SRFBP1: variants seen among roughly 807,000 people sequenced by gnomAD.
SRFBP1 encodes the protein serum response factor binding protein 1, also known as serum response factor-binding protein 1.
Under a neutral mutation model 45.5 loss-of-function variants are expected in SRFBP1, and 47 were observed. That is an observed-to-expected ratio of 1.03 (90% CI 0.82 to 1.32). The LOEUF is 1.32. Ranked by LOEUF, SRFBP1 falls within the 40% of genes most tolerant of loss-of-function variation. The pLI is 0.00. For synonymous variants in SRFBP1, 203 were observed against 166.3 expected (o/e 1.22, Z -1.70); for missense variants, 621 against 484.6 (o/e 1.28, Z -2.64).
chr5:121,990,517 G>C (rs2112670311), intron 3 of SRFBP1, among the ~76,000 whole-genome samples: 1 of 152,146 alleles, frequency 6.6e-6, no homozygotes, highest in African/African-American at 2.4e-5. Context: ...CCAAACCTCA[G>C]CATCACACAA....
intron 2 of SRFBP1, chr5:122,070,728 C>T (rs961439093): frequency 1.3e-5 from 7 of 533,716 alleles, no homozygotes; most frequent in Non-Finnish European, 2.3e-5. Flanking sequence ...ATTTCATCTC[C>T]CTTGAGAAGT....
At chr5:121,976,850 G>A (rs1752312260) in intron 3 of SRFBP1, among the ~76,000 whole-genome samples, 1 of 149,984 alleles carries the variant, frequency 6.7e-6, no homozygotes, top group Non-Finnish European at 1.5e-5. Context: ...GAGTAAACTG[G>A]AATTTGTTAA....
intron 2 of SRFBP1, among the ~76,000 whole-genome samples, chr5:122,038,909 A>T (rs986744358): frequency 1.3e-5 from 2 of 152,152 alleles, no homozygotes; most frequent in Non-Finnish European, 2.9e-5. Flanking sequence ...CAAAAACTAT[A>T]AAAAACCCCA....
At position 122,046,015 on chromosome 5, in the gene SRFBP1, T is replaced by C. The variant is rs149892722; in HGVS notation, n.311+23608T>C. ...TTTGTCATAGATGGCTCTTATTATTTAAAAGTATGATCCTTCAATGCCTAG... is the reference window on the plus strand; with the variant it reads ...TTTGTCATAGATGGCTCTTATTATTCAAAAGTATGATCCTTCAATGCCTAG... On this transcript the variant is annotated intron_variant and non_coding_transcript_variant, in intron 2 of 2. Transcript: ENST00000504881. Among the ~76,000 whole-genome samples the C allele has an allele frequency of 9.9e-4, 151 of 152,244 alleles. 1 individual carries two copies. Among genetic ancestry groups the C allele is most frequent in the African/African-American group, 3.6e-3 (149 of 41,550 alleles).
intron 2 of SRFBP1, among the ~76,000 whole-genome samples, chr5:122,058,729 T>G (rs968314360): frequency 6.6e-6 from 1 of 152,138 alleles, no homozygotes; most frequent in Admixed American, 6.6e-5. Flanking sequence ...ATGTAGAAAT[T>G]TGGCCTCTCA....
At position 122,048,472 on chromosome 5, in the gene SRFBP1, T is replaced by G. The variant is rs577818286; in HGVS notation, n.311+26065T>G. Among the ~76,000 whole-genome samples, 9 of 152,348 alleles carry G rather than the reference T, an allele frequency of 5.9e-5. No individual in the cohort carries two copies. The South Asian group carries it at 1.7e-3, about 28-fold the overall frequency. Reference sequence around the variant, plus strand: ...CAATATTTTATTGAGGATTTTTGCATCAATGTTCATCAAGGATATTGGTCT... The same window carrying G: ...CAATATTTTATTGAGGATTTTTGCAGCAATGTTCATCAAGGATATTGGTCT... On this transcript the variant is annotated intron_variant and non_coding_transcript_variant, in intron 2 of 2. Transcript: ENST00000504881.
intron 7 of SRFBP1, among the ~76,000 whole-genome samples, chr5:122,026,737 A>AATT (rs1753488345): frequency 2.0e-5 from 3 of 152,322 alleles, no homozygotes; most frequent in South Asian, 4.1e-4. Flanking sequence ...AAGTGTTAGA[A>AATT]AGCATGTGTG....
rs146641650 is a variant in SRFBP1 at position 121,962,281 on chromosome 5, A to C, written c.36+213A>C. ...TGAGAGACATGTGTCAGGCCCCACG[A>C]ATTTATGTCTGTGGGACTTTGGGAA... is the stretch of plus-strand genomic sequence containing the variant. On this transcript the variant is annotated intron_variant, in intron 1 of 7. Transcript: ENST00000339397. Among the ~76,000 whole-genome samples, 60 of 152,280 alleles carry C rather than the reference A, an allele frequency of 3.9e-4. No individual in the cohort carries two copies. In the East Asian group the frequency reaches 8.7e-3, roughly 22 times the overall value.
intron 2 of SRFBP1, among the ~76,000 whole-genome samples, chr5:122,036,543 A>T (rs1014663194): frequency 6.6e-6 from 1 of 152,128 alleles, no homozygotes; most frequent in Admixed American, 6.6e-5. Flanking sequence ...TATGTTAACA[A>T]TGTGATTTAT....
chr5:121,968,737 G>A (rs1310737793), intron 1 of SRFBP1, among the ~76,000 whole-genome samples: 1 of 152,104 alleles, frequency 6.6e-6, no homozygotes, highest in Non-Finnish European at 1.5e-5. Context: ...GAGTAAATCA[G>A]TTTGCATTTC....
chr5:122,037,023 C>T (rs147450331), intron 2 of SRFBP1, among the ~76,000 whole-genome samples: 1,615 of 151,938 alleles, frequency 0.011, 29 homozygotes, highest in African/African-American at 0.036. Flanking sequence ...CTCAAGCTCC[C>T]GAGTAGCTGG....
chr5:122,022,457 AC>A, intron 7 of SRFBP1, 50 bp downstream of exon 7: 2 of 1,519,114 alleles, frequency 1.3e-6, no homozygotes, highest in Non-Finnish European at 1.8e-6. Context: ...GCTATGTTTT[AC>A]CAGAGTAAAA....
chr5:122,064,257 A>T (rs1473955313), intron 2 of SRFBP1: 2 of 151,994 alleles, frequency 1.3e-5, no homozygotes, highest in Non-Finnish European at 2.9e-5. Context: ...ACCTTCATCA[A>T]CTAATTATTA....
chr5:122,062,861 T>G (rs1454575343), intron 2 of SRFBP1, among the ~76,000 whole-genome samples: 1 of 151,950 alleles, frequency 6.6e-6, no homozygotes, highest in Non-Finnish European at 1.5e-5. Context: ...TAGCTAGAAT[T>G]AGATGTGTGT....
intron 7 of SRFBP1, among the ~76,000 whole-genome samples, chr5:122,024,947 T>C (rs1211232849): frequency 6.6e-6 from 1 of 152,158 alleles, no homozygotes; most frequent in Non-Finnish European, 1.5e-5. Context: ...TGTTTTGTTT[T>C]GTTTTGTTTT....
chr5:121,966,946 ATTTTTTTTTT>A (rs34687337), intron 1 of SRFBP1, among the ~76,000 whole-genome samples: 1 of 114,684 alleles, frequency 8.7e-6, no homozygotes, highest in African/African-American at 3.3e-5. Context: ...CGCCCAGCTA[ATTTTTTTTTT>A]TTTTTTTTTT....
rs745637882 is a variant in SRFBP1, at chr5:122,066,499, G to T, written n.312-8816G>T. 80 of 416,828 alleles carry T rather than the reference G, an allele frequency of 1.9e-4. No homozygotes were observed. In the Admixed American group the frequency reaches 2.1e-3, roughly 11 times the overall value. The allele number at this position is 416,828 out of a possible 1,614,324, so 25.8% of individuals were successfully genotyped here. On this transcript the variant is annotated intron_variant and non_coding_transcript_variant, in intron 2 of 2. Coordinates refer to the SRFBP1 transcript ENST00000504881. ...GAGTCAAATATGTAATTACAGAATT[G>T]AAACACTGTGTTAATTCACAAAGTG...
intron 4 of SRFBP1, among the ~76,000 whole-genome samples, chr5:122,010,825 G>C (rs1753077462): frequency 6.6e-6 from 1 of 152,066 alleles, no homozygotes; most frequent in African/African-American, 2.4e-5. Flanking sequence ...GAATATTGGA[G>C]AGTATTTTTC....
chr5:121,982,350 A>G (rs967028947), intron 3 of SRFBP1, among the ~76,000 whole-genome samples: 1 of 151,964 alleles, frequency 6.6e-6, no homozygotes, highest in Non-Finnish European at 1.5e-5. Flanking sequence ...ATTTAGTAAC[A>G]GATCATCATA....
Sources: allele counts gnomAD v4.1 joint callset (sites outside exome capture counted in the v4.1 genomes callset), GRCh38; gene constraint gnomAD v4.1.1; transcripts MANE v1.5; gene names NCBI Gene and HGNC (gene_info 2026-07-23, HGNC 2026-07-21).